Variants in ZNF600 observed in about 807,000 individuals in gnomAD.
ZNF600 encodes the protein zinc finger protein KR-ZNF1.
A neutral mutation model predicts 7.3 loss-of-function variants in ZNF600; 4 were observed. The observed-to-expected ratio is 0.55, with a 90% CI of 0.27 to 1.25. The LOEUF is 1.25. Ranked by LOEUF, ZNF600 falls within the 50% of genes most tolerant of loss-of-function variation. The pLI is 0.12. For synonymous variants in ZNF600, 290 were observed against 308.9 expected (o/e 0.94, Z 0.64); for missense variants, 911 against 922.1 (o/e 0.99, Z 0.16).
the ZNF600 span, among the ~76,000 whole-genome samples, chr19:52,830,414 G>T: frequency 8.5e-5 from 13 of 152,200 alleles, 1 homozygote; most frequent in South Asian, 8.3e-4. Context: ...ACTTGATCCT[G>T]GGCCTGAAGG....
At chr19:52,826,340 A>G in the ZNF600 span, among the ~76,000 whole-genome samples, 3 of 152,096 alleles carry the variant, frequency 2.0e-5, no homozygotes, top group Admixed American at 2.0e-4. Context: ...GGAGTCCAAG[A>G]TGGATGGATC....
At chr19:52,774,151 CA>C (rs2062652996) in intron 3 of ZNF600, among the ~76,000 whole-genome samples, 1 of 152,028 alleles carries the variant, frequency 6.6e-6, no homozygotes, top group African/African-American at 2.4e-5. Context: ...TGGATGGGTC[CA>C]GGGGCTGTGG....
chr19:52,788,590 C>T (rs2062783651), upstream of ZNF600, among the ~76,000 whole-genome samples: 1 of 152,156 alleles, frequency 6.6e-6, no homozygotes, highest in Admixed American at 6.5e-5. Flanking sequence ...CCTACAAGGG[C>T]AATTTTGACC....
upstream of ZNF600, among the ~76,000 whole-genome samples, chr19:52,790,883 G>A (rs1430058186): frequency 1.3e-5 from 2 of 151,918 alleles, no homozygotes; most frequent in Admixed American, 6.6e-5. Context: ...GTTTCACCAT[G>A]TGGGACAGGC....
At chr19:52,798,876 C>T in the ZNF600 span, 2 of 1,396,510 alleles carry the variant, frequency 1.4e-6, no homozygotes, top group Non-Finnish European at 1.9e-6. Flanking sequence ...CTATGGATTG[C>T]TTGATGGTGA....
At chr19:52,777,664 A>G (rs1293640227) in intron 2 of ZNF600, among the ~76,000 whole-genome samples, 13 of 152,002 alleles carry the variant, frequency 8.6e-5, no homozygotes, top group Admixed American at 8.5e-4. Context: ...ACCCCGTCTC[A>G]AATAAAAATA....
rs146795347 is a variant in ZNF600, at chr19:52,769,157, G to A, written c.191-1385C>T. On this transcript the variant is annotated intron_variant, in intron 3 of 3. Transcript: ENST00000648973. ...AACAACACCCGCCACTTAGCAGACC[G>A]GGAAAGGGAGTCTCCCTTTCCCCGG... Among the ~76,000 whole-genome samples, 1,001 of 152,116 alleles carry A rather than the reference G, an allele frequency of 6.6e-3. 6 individuals are homozygous for A. Among genetic ancestry groups the A allele is most frequent in the Non-Finnish European group, 7.5e-3 (512 of 67,984 alleles).
the ZNF600 span, chr19:52,807,993 G>A: frequency 2.5e-6 from 4 of 1,612,806 alleles, no homozygotes; most frequent in Non-Finnish European, 3.4e-6. Flanking sequence ...ACATCCCCAG[G>A]AGGTTATCCT....
intron 1 of ZNF600, among the ~76,000 whole-genome samples, chr19:52,785,452 T>C (rs939203899): frequency 8.6e-5 from 13 of 151,992 alleles, no homozygotes; most frequent in African/African-American, 3.1e-4. Context: ...TTTCTCCCTG[T>C]TGATCAGGCT....
At chr19:52,826,159 C>T in the ZNF600 span, among the ~76,000 whole-genome samples, 1 of 152,062 alleles carries the variant, frequency 6.6e-6, no homozygotes, top group African/African-American at 2.4e-5. Flanking sequence ...GGTTGCTCAA[C>T]GCCTGTAATC....
At chr19:52,800,747 T>A in the ZNF600 span, 2 of 1,613,528 alleles carry the variant, frequency 1.2e-6, no homozygotes, top group Admixed American at 3.3e-5. Flanking sequence ...GGGTTGACAG[T>A]CGATTAAAAA....
the ZNF600 span, among the ~76,000 whole-genome samples, chr19:52,830,669 G>A: frequency 5.3e-5 from 8 of 151,848 alleles, no homozygotes; most frequent in Admixed American, 2.0e-4. Context: ...TCCAGTGGAT[G>A]AATAAGGTCT....
the ZNF600 span, among the ~76,000 whole-genome samples, chr19:52,818,664 G>T: frequency 1.7e-4 from 26 of 152,066 alleles, no homozygotes; most frequent in Non-Finnish European, 2.8e-4. Context: ...CCAAGATCGC[G>T]CCACTCCACT....
chr19:52,809,487 GT>G, the ZNF600 span, among the ~76,000 whole-genome samples: 1 of 152,188 alleles, frequency 6.6e-6, no homozygotes, highest in African/African-American at 2.4e-5. Flanking sequence ...AGGGTGGAGG[GT>G]GGGAGGAAGG....
intron 2 of ZNF600, among the ~76,000 whole-genome samples, chr19:52,776,216 C>A (rs968039231): frequency 4.6e-5 from 7 of 151,472 alleles, no homozygotes; most frequent in Non-Finnish European, 7.4e-5. Flanking sequence ...AATGTCAACA[C>A]AAGCACTGAA....
At chr19:52,767,186 A>G (rs1185086995) in exon 4 of ZNF600, 1 of 1,614,164 alleles carries the variant, frequency 6.2e-7, no homozygotes, top group Non-Finnish European at 8.5e-7. Context: ...CATCACATTT[A>G]TATTGTTTGT....
the ZNF600 span, chr19:52,800,522 A>G: frequency 8.0e-4 from 1,283 of 1,613,696 alleles, 13 homozygotes; most frequent in African/African-American, 0.015. Flanking sequence ...CACATTCATT[A>G]CACTTGTAAG....
chr19:52,794,858 A>T, the ZNF600 span, among the ~76,000 whole-genome samples: 18 of 152,284 alleles, frequency 1.2e-4, no homozygotes, highest in Admixed American at 3.9e-4. Context: ...TTGTCTCAAA[A>T]AAGGAAGAAA....
chr19:52,773,044 G>C (rs1481761591), intron 3 of ZNF600, among the ~76,000 whole-genome samples: 3 of 152,070 alleles, frequency 2.0e-5, no homozygotes, highest in African/African-American at 7.3e-5. Context: ...TTGGAGGGGA[G>C]GGGCTCACGG....
Sources: allele counts gnomAD v4.1 joint callset (sites outside exome capture counted in the v4.1 genomes callset), GRCh38; gene constraint gnomAD v4.1.1; transcripts MANE v1.5; gene names NCBI Gene and HGNC (gene_info 2026-07-23, HGNC 2026-07-21).